The following ARHGEF6 variants were observed in gnomAD, a reference collection of about 807,000 sequenced individuals.
ARHGEF6 encodes the protein rho guanine nucleotide exchange factor 6.
ARHGEF6 carries 9 observed loss-of-function variants against 70.3 expected under a neutral mutation model. The ratio of observed to expected loss-of-function variants is 0.13; its 90% confidence interval spans 0.08 to 0.22. The LOEUF (loss-of-function observed/expected upper bound fraction) is 0.22, where lower values mean the gene tolerates loss of function less well. Ranked by LOEUF, ARHGEF6 falls within the 10% of genes least tolerant of loss-of-function variation. ARHGEF6 has a pLI of 1.00. For synonymous variants in ARHGEF6, 201 were observed against 207.8 expected, an observed-to-expected ratio of 0.97 and a Z score of 0.28; for missense variants, 470 against 563.0, an observed-to-expected ratio of 0.83 and a Z score of 1.67.
In ARHGEF6 at chrX:136,718,438, T is replaced by TA. The variant is rs1402830462; in HGVS notation, c.733-5069dup. ...GAAGCGTTCTCCCTTCAATCAATAA[T>TA]AAAAAAAAATTAACACTCTAGTTCC... is the stretch of plus-strand genomic sequence containing the variant. On this transcript the variant is annotated intron_variant, in intron 6 of 21. Coordinates refer to ENST00000250617, the MANE Select transcript of ARHGEF6 (RefSeq NM_004840.3). Among the ~76,000 whole-genome samples the TA allele has an allele frequency of 1.0e-4, 11 of 109,886 alleles. No homozygotes were observed. The South Asian group carries it at 1.5e-3, about 15-fold the overall frequency.
chrX:136,686,631 TATATATATATAC>T (rs1569393903), intron 11 of ARHGEF6, among the ~76,000 whole-genome samples: 11 of 76,285 alleles, frequency 1.4e-4, no homozygotes, highest in African/African-American at 7.2e-4. Context: ...TACACATATA[TATATATATATAC>T]ACACATATAT....
At chrX:136,770,630 A>G (rs1569425344) in intron 2 of ARHGEF6, among the ~76,000 whole-genome samples, 1 of 112,573 alleles carries the variant, frequency 8.9e-6, no homozygotes. Context: ...AGAAAACCAT[A>G]TGGGAATCCA....
At chrX:136,774,294 T>C (rs917513768) in intron 2 of ARHGEF6, among the ~76,000 whole-genome samples, 2 of 107,023 alleles carry the variant, frequency 1.9e-5, no homozygotes, top group African/African-American at 6.8e-5. Flanking sequence ...GTAAACCTTC[T>C]GGCAGCTTTA....
chrX:136,707,012 G>C lies in ARHGEF6; in HGVS notation c.942C>G (p.His314Gln). 8.3e-7 allele frequency: 1 copy of C among 1,211,176 alleles called. No homozygotes were observed. The highest frequency in any genetic ancestry group is 1.1e-6 in the Non-Finnish European group (1 of 894,848). The change falls in exon 9 of 22, where the codon CAC becomes CAG. Residue 314 changes from histidine to glutamine, a missense_variant. By Grantham distance (24) the His-to-Gln change is conservative. Around this residue, in one of 3 missense-constraint regions of ARHGEF6, gnomAD observed 379 missense variants for 449.3 expected, o/e 0.84. Transcript: ENST00000250617. Reference protein sequence around the residue: ...EECSKFPENQHKVGGCLLSLM... With the variant: ...EECSKFPENQQKVGGCLLSLM... ...GACTCAGTAGACAACCTCCTACTTTGTGCTGGTTTTCTGGAAACCTGTAAA... is the reference window on the plus strand; with the variant it reads ...GACTCAGTAGACAACCTCCTACTTTCTGCTGGTTTTCTGGAAACCTGTAAA...
At chrX:136,704,075 T>C (rs2076602839) in intron 9 of ARHGEF6, among the ~76,000 whole-genome samples, 1 of 112,240 alleles carries the variant, frequency 8.9e-6, no homozygotes, top group Non-Finnish European at 1.9e-5. Context: ...AACTCAACAA[T>C]GAAAAGATAG....
At chrX:136,671,889 G>A in intron 20 of ARHGEF6, 131 bp downstream of exon 20, 1 of 570,480 alleles carries the variant, frequency 1.8e-6, no homozygotes, top group Non-Finnish European at 3.1e-6. Flanking sequence ...TGCATGCACA[G>A]CAAAGCAGGC....
rs2076176980 is a variant in ARHGEF6 at position 136,667,886 on chromosome X, G to C, written c.*143C>G. 2 of 801,386 alleles carry C rather than the reference G, an allele frequency of 2.5e-6. No individual in the cohort carries two copies. Among genetic ancestry groups the C allele is most frequent in the Non-Finnish European group, 3.7e-6 (2 of 542,297 alleles). The allele number at this position is 801,386 out of a possible 1,213,427, so 66.0% of individuals were successfully genotyped here. A position where few individuals can be genotyped will look rare whatever the true frequency, so the allele number is the denominator to read the frequency against. ...CACACACATATGCACACAGCGGGGA[G>C]AGAAAGAGAAGAGAGAGGGAGAGAG... On this transcript the variant is annotated 3_prime_UTR_variant, in exon 22 of 22. Transcript: ENST00000250617.
intron 2 of ARHGEF6, among the ~76,000 whole-genome samples, chrX:136,773,203 G>A (rs761943826): frequency 4.5e-5 from 5 of 111,690 alleles, no homozygotes; most frequent in East Asian, 2.8e-4. Context: ...ATTTCAAGCC[G>A]GTATGCTTTC....
chrX:136,701,854 C>T (rs1396087565), intron 9 of ARHGEF6, among the ~76,000 whole-genome samples: 1 of 107,947 alleles, frequency 9.3e-6, no homozygotes, highest in Non-Finnish European at 1.9e-5. Context: ...ACTACAGGCG[C>T]CCACCACCAC....
intron 19 of ARHGEF6, 140 bp from the exon 20 acceptor site, chrX:136,672,259 G>A: frequency 5.7e-6 from 3 of 523,456 alleles, no homozygotes; most frequent in Non-Finnish European, 1.0e-5. Flanking sequence ...CCAGAGGACA[G>A]TCACCCATCA....
At chrX:136,698,902 T>C (rs1377353886) in intron 9 of ARHGEF6, among the ~76,000 whole-genome samples, 1 of 112,078 alleles carries the variant, frequency 8.9e-6, no homozygotes, top group African/African-American at 3.2e-5. Context: ...ATAAAAGCAA[T>C]TGGCCAAAGC....
chrX:136,686,641 T>TAC (rs771810689), intron 11 of ARHGEF6, among the ~76,000 whole-genome samples: 2 of 66,773 alleles, frequency 3.0e-5, no homozygotes, highest in Non-Finnish European at 5.3e-5. Context: ...TATATATATA[T>TAC]ACACACATAT....
Position 136,666,927 on chromosome X carries a change from C to T in ARHGEF6, c.*1102G>A, listed in dbSNP as rs2076166920. 8.9e-6 allele frequency: 1 copy of T among 111,908 alleles called. No homozygotes were observed. The highest frequency in any genetic ancestry group is 1.9e-5 in the Non-Finnish European group (1 of 53,165). The allele number at this position is 111,908 out of a possible 1,213,427, so 9.2% of individuals were successfully genotyped here. ...TGCAAATACTGCTTAGAGTCCCACC[C>T]AAAGAGGCCAATTAATATTACAACT... is the stretch of plus-strand genomic sequence containing the variant. On this transcript the variant is annotated 3_prime_UTR_variant, in exon 22 of 22. Transcript: ENST00000250617.
At chrX:136,754,516 C>T (rs2077184040) in intron 2 of ARHGEF6, among the ~76,000 whole-genome samples, 2 of 92,277 alleles carry the variant, frequency 2.2e-5, no homozygotes, top group South Asian at 1.2e-3. Flanking sequence ...ATCTGGGAGG[C>T]GGAGGTTGCA....
intron 1 of ARHGEF6, among the ~76,000 whole-genome samples, chrX:136,779,995 G>T (rs1250746600): frequency 8.9e-6 from 1 of 112,006 alleles, no homozygotes; most frequent in Non-Finnish European, 1.9e-5. Flanking sequence ...ACTGGCTCAT[G>T]AAGGCAAAAG....
chrX:136,677,970 G>A lies in ARHGEF6; in HGVS notation c.1831-14C>T. 1 of 1,199,362 alleles carries A rather than the reference G, an allele frequency of 8.3e-7. No individual in the cohort carries two copies. The highest frequency in any genetic ancestry group is 1.1e-6 in the Non-Finnish European group (1 of 884,519). On this transcript the variant is annotated splice_polypyrimidine_tract_variant and intron_variant, in intron 16 of 21. Transcript: ENST00000250617. ...ATAAGACATCCTCTAAAATGAATATGTAAAGAAAGAGAAGATGAGCGTGAG... is the reference window on the plus strand; with the variant it reads ...ATAAGACATCCTCTAAAATGAATATATAAAGAAAGAGAAGATGAGCGTGAG...
At chrX:136,751,427 T>C (rs1457598396) in intron 2 of ARHGEF6, among the ~76,000 whole-genome samples, 1 of 112,168 alleles carries the variant, frequency 8.9e-6, no homozygotes, top group African/African-American at 3.2e-5. Context: ...TTCCCTCACT[T>C]ATCTTATAGC....
At chrX:136,707,079 G>C (rs765735424) in intron 8 of ARHGEF6, 49 bp from the exon 9 acceptor site, 1 of 1,191,946 alleles carries the variant, frequency 8.4e-7, no homozygotes, top group African/African-American at 1.8e-5. Flanking sequence ...GAAACAGGAG[G>C]CAAAGGAAGA....
chrX:136,667,689 T>A lies in ARHGEF6; in HGVS notation c.*340A>T. ...CAGAGGCACTGTGAACTGAAGGCAATCTGAAGACCTTTTAAGTAACTGGCC... is the reference window on the plus strand; with the variant it reads ...CAGAGGCACTGTGAACTGAAGGCAAACTGAAGACCTTTTAAGTAACTGGCC... On this transcript the variant is annotated 3_prime_UTR_variant, in exon 22 of 22. Transcript: ENST00000250617. The A allele has an allele frequency of 3.7e-6, 1 of 267,781 alleles. No homozygotes were observed. Among genetic ancestry groups the A allele is most frequent in the Non-Finnish European group, 6.7e-6 (1 of 149,077 alleles). 22.1% of individuals were successfully genotyped at this position (267,781 alleles called of 1,213,427 possible). A position where few individuals can be genotyped will look rare whatever the true frequency, so the allele number is the denominator to read the frequency against.
Sources: gnomAD v4.1 joint callset for allele counts (sites outside exome capture counted in the v4.1 genomes callset) on GRCh38, gnomAD v4.1.1 for gene constraint, gnomAD v4.1.1 regional missense constraint, MANE v1.5 for transcripts, NCBI Gene and HGNC (gene_info 2026-07-23, HGNC 2026-07-21) for gene names.